LRRTM4: variants seen among roughly 807,000 people sequenced by gnomAD.
LRRTM4 encodes the protein leucine rich repeat transmembrane neuronal 4.
Under a neutral mutation model 47.6 loss-of-function variants are expected in LRRTM4, and 25 were observed. The observed-to-expected ratio is 0.53, with a 90% CI of 0.38 to 0.73. The LOEUF (loss-of-function observed/expected upper bound fraction) is 0.73, where lower values mean the gene tolerates loss of function less well. Ranked by LOEUF, LRRTM4 falls within the 30% of genes least tolerant of loss-of-function variation. The pLI is 0.00. For synonymous variants in LRRTM4, 311 were observed against 269.5 expected (o/e 1.15, Z -1.51); for missense variants, 638 against 713.4 (o/e 0.89, Z 1.20).
At chr2:77,159,665 G>C (rs1013188583) in intron 3 of LRRTM4, among the ~76,000 whole-genome samples, 1 of 152,024 alleles carries the variant, frequency 6.6e-6, no homozygotes, top group Non-Finnish European at 1.5e-5. Flanking sequence ...AGAAATAGGA[G>C]GGTTTGGTCT....
chr2:76,810,597 A>G (rs1670704209), intron 3 of LRRTM4, among the ~76,000 whole-genome samples: 1 of 152,182 alleles, frequency 6.6e-6, no homozygotes, highest in Non-Finnish European at 1.5e-5. Flanking sequence ...AAATGTCTAA[A>G]TATGTTCCTT....
intron 3 of LRRTM4, among the ~76,000 whole-genome samples, chr2:77,385,741 CTTTTTTTTTT>C (rs33978835): frequency 1.2e-5 from 1 of 82,298 alleles, no homozygotes; most frequent in Admixed American, 1.6e-4. Flanking sequence ...GTACATGGTA[CTTTTTTTTTT>C]TTTTTTTTTT....
rs374627195 is a variant in LRRTM4, at chr2:77,518,599, T to C, written c.1270A>G (p.Lys424Glu). Residue 424 changes from lysine (K) to glutamate (E), a missense_variant, in exon 3 of 4, where the codon AAA becomes GAA. Coordinates refer to ENST00000409884, the MANE Select transcript of LRRTM4 (RefSeq NM_001134745.3). ...EQEYEHVSFH[K>E]IIAGSVALFL... is the part of the protein sequence containing the mutation. ...AGAGCCACACTCCCGGCAATAATTTTGTGAAATGAAACATGCTCATACTCT... is the reference window on the plus strand; with the variant it reads ...AGAGCCACACTCCCGGCAATAATTTCGTGAAATGAAACATGCTCATACTCT... 9 of 1,613,356 alleles carry C rather than the reference T, an allele frequency of 5.6e-6. No individual in the cohort carries two copies. The highest frequency in any genetic ancestry group is 1.3e-5 in the African/African-American group (1 of 74,860).
intron 3 of LRRTM4, among the ~76,000 whole-genome samples, chr2:76,882,851 A>T (rs1433562000): frequency 6.6e-6 from 1 of 152,098 alleles, no homozygotes; most frequent in Non-Finnish European, 1.5e-5. Context: ...TACAGACAGG[A>T]GTCCTGTCCC....
chr2:77,155,591 T>C (rs1257707531), intron 3 of LRRTM4, among the ~76,000 whole-genome samples: 1 of 151,878 alleles, frequency 6.6e-6, no homozygotes, highest in Non-Finnish European at 1.5e-5. Flanking sequence ...ACACATAACT[T>C]ATAATACATA....
intron 3 of LRRTM4, among the ~76,000 whole-genome samples, chr2:77,412,600 A>G (rs1219870547): frequency 6.6e-6 from 1 of 152,200 alleles, no homozygotes; most frequent in African/African-American, 2.4e-5. Flanking sequence ...CAACATTGAA[A>G]CACACAGCCG....
At chr2:77,500,982 C>T (rs1282060832) in intron 3 of LRRTM4, among the ~76,000 whole-genome samples, 3 of 151,252 alleles carry the variant, frequency 2.0e-5, no homozygotes, top group Admixed American at 1.3e-4. Flanking sequence ...AATATTCATT[C>T]ATAAAAGTAC....
At chr2:77,477,930 AG>A (rs1285813276) in intron 3 of LRRTM4, among the ~76,000 whole-genome samples, 8 of 144,984 alleles carry the variant, frequency 5.5e-5, no homozygotes, top group South Asian at 2.3e-4. Flanking sequence ...AAAGAAAGAA[AG>A]AAAGAAAGAA....
At chr2:77,292,288 G>C (rs1162730530) in intron 3 of LRRTM4, among the ~76,000 whole-genome samples, 2 of 151,186 alleles carry the variant, frequency 1.3e-5, no homozygotes, top group East Asian at 3.9e-4. Flanking sequence ...AGTCAGTGTG[G>C]TGATTCCTCA....
intron 3 of LRRTM4, among the ~76,000 whole-genome samples, chr2:76,821,788 C>T (rs1671059197): frequency 6.6e-6 from 1 of 151,512 alleles, no homozygotes; most frequent in Non-Finnish European, 1.5e-5. Flanking sequence ...GTCAACATTC[C>T]CACCTTATTA....
chr2:77,048,212 T>C (rs770189625), intron 3 of LRRTM4, among the ~76,000 whole-genome samples: 3 of 152,150 alleles, frequency 2.0e-5, no homozygotes, highest in Non-Finnish European at 1.5e-5. Flanking sequence ...TATATACGTA[T>C]GTATGTATGA....
At chr2:77,163,241 G>T (rs1322763855) in intron 3 of LRRTM4, among the ~76,000 whole-genome samples, 2 of 152,060 alleles carry the variant, frequency 1.3e-5, no homozygotes, top group African/African-American at 4.8e-5. Context: ...ACTGAAGATG[G>T]AATGAATGAA....
At chr2:77,340,713 G>A (rs781023260) in intron 3 of LRRTM4, among the ~76,000 whole-genome samples, 2 of 151,844 alleles carry the variant, frequency 1.3e-5, no homozygotes, top group Non-Finnish European at 2.9e-5. Context: ...CATTTATTGA[G>A]CATGAGAAAT....
At chr2:77,483,985 C>T (rs894944670) in intron 3 of LRRTM4, among the ~76,000 whole-genome samples, 1 of 152,188 alleles carries the variant, frequency 6.6e-6, no homozygotes, top group Non-Finnish European at 1.5e-5. Context: ...TTTCACATCA[C>T]CAGTAACTCA....
chr2:76,993,552 T>C (rs1451949858), intron 3 of LRRTM4, among the ~76,000 whole-genome samples: 3 of 151,942 alleles, frequency 2.0e-5, no homozygotes, highest in Non-Finnish European at 4.4e-5. Flanking sequence ...AAAACCACAG[T>C]GACATATTAT....
At chr2:77,112,798 T>C (rs1671285357) in intron 3 of LRRTM4, among the ~76,000 whole-genome samples, 2 of 152,126 alleles carry the variant, frequency 1.3e-5, no homozygotes, top group African/African-American at 4.8e-5. Context: ...GCTTTGTGGG[T>C]CTCTGATCCA....
intron 3 of LRRTM4, among the ~76,000 whole-genome samples, chr2:76,803,215 T>C (rs1291758219): frequency 1.3e-5 from 2 of 151,978 alleles, no homozygotes; most frequent in Admixed American, 1.3e-4. Flanking sequence ...AGGGTTAATA[T>C]CCAAAATATA....
chr2:77,049,311 CTTTTT>C (rs938977658), intron 3 of LRRTM4, among the ~76,000 whole-genome samples: 5 of 150,558 alleles, frequency 3.3e-5, no homozygotes, highest in Admixed American at 1.3e-4. Flanking sequence ...TTTTTCTTTT[CTTTTT>C]GATATATATC....
chr2:76,791,072 T>G (rs1366064515), intron 3 of LRRTM4, among the ~76,000 whole-genome samples: 1 of 152,186 alleles, frequency 6.6e-6, no homozygotes, highest in African/African-American at 2.4e-5. Flanking sequence ...TGGCTGTTAC[T>G]TTGATGGCTT....
Sources: gnomAD v4.1 joint callset for allele counts (sites outside exome capture counted in the v4.1 genomes callset) on GRCh38, gnomAD v4.1.1 for gene constraint, MANE v1.5 for transcripts, NCBI Gene and HGNC (gene_info 2026-07-23, HGNC 2026-07-21) for gene names.